Variants in FMO1 observed in about 807,000 individuals in gnomAD.
FMO1 encodes the protein flavin-containing monooxygenase 1.
Under a neutral mutation model 45.4 loss-of-function variants are expected in FMO1, and 36 were observed. The observed-to-expected ratio is 0.79, with a 90% CI of 0.61 to 1.05. FMO1 has a LOEUF of 1.05. Ranked by LOEUF, FMO1 falls within the 50% of genes least tolerant of loss-of-function variation. The pLI is 0.00. For missense variants in FMO1, 615 were observed against 640.3 expected (o/e 0.96, Z 0.43); for synonymous variants, 228 against 227.2 (o/e 1.00, Z -0.03).
chr1:171,276,703 G>A (rs1661124702), intron 4 of FMO1, among the ~76,000 whole-genome samples: 2 of 152,292 alleles, frequency 1.3e-5, no homozygotes, highest in South Asian at 4.1e-4. Flanking sequence ...GTTTTATGGA[G>A]TCCAGTGGAG....
chr1:171,285,274 C>T lies in FMO1; in HGVS notation c.1329C>T (p.Ile443=). The T allele has an allele frequency of 6.2e-7, 1 of 1,613,904 alleles. No individual in the cohort carries two copies. The highest frequency in any genetic ancestry group is 8.5e-7 in the Non-Finnish European group (1 of 1,179,856). The part of the protein sequence containing the change: ...ITYIDELLTY[I]NAKPNLFSML... ...ACATAGATGAACTCCTGACCTATAT[C>T]AATGCAAAACCCAACCTGTTCTCTA... is the stretch of plus-strand genomic sequence containing the variant. Residue 443 remains isoleucine (I), a synonymous_variant, in exon 9 of 9, where the codon ATC becomes ATT. Transcript: ENST00000617670.
At chr1:171,268,740 C>G (rs1660723267) in intron 3 of FMO1, among the ~76,000 whole-genome samples, 2 of 151,998 alleles carry the variant, frequency 1.3e-5, no homozygotes, top group South Asian at 4.2e-4. Context: ...ACACAGAAAA[C>G]AACACAAATG....
intron 1 of FMO1, among the ~76,000 whole-genome samples, chr1:171,255,690 T>C (rs565002101): frequency 1.3e-5 from 2 of 152,242 alleles, no homozygotes; most frequent in East Asian, 3.9e-4. Context: ...GCCTCCTCTC[T>C]AGTTTCAGGG....
At chr1:171,276,454 T>A (rs1387356607) in intron 4 of FMO1, among the ~76,000 whole-genome samples, 1 of 152,202 alleles carries the variant, frequency 6.6e-6, no homozygotes, top group Non-Finnish European at 1.5e-5. Flanking sequence ...AACAATGGAA[T>A]CTCATCATCA....
intron 3 of FMO1, among the ~76,000 whole-genome samples, chr1:171,272,089 T>C (rs28741369): frequency 0.08 from 12,196 of 152,326 alleles, 645 homozygotes; most frequent in South Asian, 0.15. Flanking sequence ...CCCCATGCTG[T>C]GTGCAGCCAA....
chr1:171,275,264 T>C, intron 3 of FMO1, 82 bp from the exon 4 acceptor site: 4 of 1,127,638 alleles, frequency 3.5e-6, no homozygotes, highest in Non-Finnish European at 5.2e-6. Flanking sequence ...CTAGAACTTT[T>C]AAAATATCAA....
chr1:171,255,410 G>A (rs1007713905), intron 1 of FMO1, among the ~76,000 whole-genome samples: 3 of 152,186 alleles, frequency 2.0e-5, no homozygotes, highest in Non-Finnish European at 2.9e-5. Flanking sequence ...TCAGTCCCCT[G>A]CTCAAGGTCT....
At chr1:171,250,143 C>A (rs1161121406) in intron 1 of FMO1, among the ~76,000 whole-genome samples, 2 of 152,146 alleles carry the variant, frequency 1.3e-5, no homozygotes. Context: ...ATTTTTATTT[C>A]ATTCTTAATC....
rs569064412 is a variant in FMO1 at position 171,270,798 on chromosome 1, G to A, written c.321+3067G>A. The A allele has an allele frequency of 2.0e-4, 154 of 761,004 alleles. 1 individual carries two copies. The highest frequency in any genetic ancestry group is 2.6e-4 in the Non-Finnish European group (139 of 534,476). The allele number at this position is 761,004 out of a possible 1,614,324, so 47.1% of individuals were successfully genotyped here. A position where few individuals can be genotyped will look rare whatever the true frequency, so the allele number is the denominator to read the frequency against. On this transcript the variant is annotated intron_variant, in intron 3 of 8. Coordinates refer to ENST00000617670, the MANE Select transcript of FMO1 (RefSeq NM_001282693.2). ...GAGAGGGCTATCTAAAGACACATTC[G>A]GTAGTGTGTTAACTTTATAAAAAAA...
intron 3 of FMO1, chr1:171,270,957 A>T: frequency 1.0e-5 from 8 of 786,732 alleles, no homozygotes; most frequent in African/African-American, 1.7e-5. Flanking sequence ...CAACTTATTC[A>T]TCATCTTCTT....
In FMO1 at chr1:171,258,159, A is replaced by T; in HGVS notation, c.72A>T (p.Glu24Asp). Reference sequence around the variant, plus strand: ...CCTCCATCAAGTGCTGTCTGGAAGAAGGACTGGAGCCCACCTGCTTTGAGA... The same window carrying T: ...CCTCCATCAAGTGCTGTCTGGAAGATGGACTGGAGCCCACCTGCTTTGAGA... ...GLASIKCCLE[E>D]GLEPTCFERS... The change falls in exon 2 of 9, where the codon GAA becomes GAT. Residue 24 changes from glutamate to aspartate, a missense_variant. By Grantham distance (45) the Glu-to-Asp change is conservative (BLOSUM62 2). Coordinates refer to ENST00000617670, the MANE Select transcript of FMO1 (RefSeq NM_001282693.2). 3 of 1,614,190 alleles carry T rather than the reference A, an allele frequency of 1.9e-6. No homozygotes were observed. The highest frequency in any genetic ancestry group is 2.5e-6 in the Non-Finnish European group (3 of 1,180,026).
At chr1:171,278,255 T>C (rs1661190852) in intron 4 of FMO1, among the ~76,000 whole-genome samples, 1 of 151,962 alleles carries the variant, frequency 6.6e-6, no homozygotes, top group Non-Finnish European at 1.5e-5. Flanking sequence ...TTTATCTTAT[T>C]CCCCCCATAC....
At chr1:171,281,876 A>G in intron 6 of FMO1, 102 bp from the exon 7 acceptor site, 2 of 658,072 alleles carry the variant, frequency 3.0e-6, no homozygotes, top group South Asian at 2.0e-5. Flanking sequence ...TTCTTGTCCA[A>G]CCAAGGAGAG....
chr1:171,274,163 A>AG (rs903203748), intron 3 of FMO1, among the ~76,000 whole-genome samples: 7 of 151,774 alleles, frequency 4.6e-5, no homozygotes, highest in South Asian at 2.1e-4. Flanking sequence ...AAAAAAAAAA[A>AG]AAAGTAAACA....
In FMO1 at chr1:171,280,895, C is replaced by T. The variant is rs760400584; in HGVS notation, c.737C>T (p.Ser246Phe). The T allele has an allele frequency of 1.2e-6, 2 of 1,613,906 alleles. No homozygotes were observed. Among genetic ancestry groups the T allele is most frequent in the African/African-American group, 2.7e-5 (2 of 75,032 alleles). Residue 246 changes from serine (S) to phenylalanine (F), a missense_variant, in exon 6 of 9, where the codon TCC becomes TTC. Transcript: ENST00000617670. ...MTRFQNMLRN[S>F]LPTPIVTWLM... ...CGCTTTCAGAACATGTTGAGAAATT[C>T]CCTCCCAACCCCAATTGTGACTTGG...
chr1:171,269,783 T>G (rs1660772508), intron 3 of FMO1, among the ~76,000 whole-genome samples: 1 of 152,208 alleles, frequency 6.6e-6, no homozygotes, highest in South Asian at 2.1e-4. Context: ...GATGCAAAAT[T>G]TAAGTGTCTT....
At chr1:171,274,511 C>A (rs184526617) in intron 3 of FMO1, among the ~76,000 whole-genome samples, 2 of 152,096 alleles carry the variant, frequency 1.3e-5, no homozygotes, top group East Asian at 1.9e-4. Context: ...AAAAATAAAT[C>A]TATTTTGAAA....
chr1:171,254,283 G>T (rs1456105877), intron 1 of FMO1, among the ~76,000 whole-genome samples: 1 of 152,064 alleles, frequency 6.6e-6, no homozygotes. Context: ...TAGAGACAGG[G>T]TTTCACCATG....
intron 2 of FMO1, 28 bp downstream of exon 2, chr1:171,258,247 G>C (rs764892430): frequency 6.2e-7 from 1 of 1,607,412 alleles, no homozygotes; most frequent in Non-Finnish European, 8.5e-7. Flanking sequence ...AACTTTATCT[G>C]TCTATTGGAG....
Sources: gnomAD v4.1 joint callset for allele counts (sites outside exome capture counted in the v4.1 genomes callset) on GRCh38, gnomAD v4.1.1 for gene constraint, MANE v1.5 for transcripts, NCBI Gene and HGNC (gene_info 2026-07-23, HGNC 2026-07-21) for gene names.